The following PPP4R1 variants were observed in gnomAD, a reference collection of about 807,000 sequenced individuals.
PPP4R1 encodes serine/threonine-protein phosphatase 4 regulatory subunit 1.
In PPP4R1, 42 loss-of-function variants were observed where a neutral mutation model predicts 111.2. That is an observed-to-expected ratio of 0.38 (90% CI 0.29 to 0.49). PPP4R1 has a LOEUF of 0.49. Among genes scored for constraint, PPP4R1 ranks in the 20% least tolerant of loss-of-function variants. The probability of loss-of-function intolerance (pLI) is 0.97; values close to 1 mark genes in which losing one functional copy is unlikely to be tolerated. For synonymous variants in PPP4R1, 409 were observed against 405.5 expected, an observed-to-expected ratio of 1.01 and a Z score of -0.10; for missense variants, 1,012 against 1,161.6, an observed-to-expected ratio of 0.87 and a Z score of 1.87.
intron 2 of PPP4R1, among the ~76,000 whole-genome samples, chr18:9,603,854 T>C (rs1298435253): frequency 6.6e-6 from 1 of 151,996 alleles, no homozygotes; most frequent in Non-Finnish European, 1.5e-5. Context: ...CTCTCAAGCA[T>C]GAAAATATGA....
At chr18:9,609,080 T>G (rs2067533950) in intron 2 of PPP4R1, among the ~76,000 whole-genome samples, 1 of 152,174 alleles carries the variant, frequency 6.6e-6, no homozygotes, top group African/African-American at 2.4e-5. Context: ...TTCAATTTTA[T>G]GTGGGAAGTT....
chr18:9,571,589 C>A (rs1477935312), intron 10 of PPP4R1, among the ~76,000 whole-genome samples: 1 of 152,060 alleles, frequency 6.6e-6, no homozygotes, highest in Non-Finnish European at 1.5e-5. Context: ...TGCAAGCACA[C>A]TGAACACAGG....
intron 13 of PPP4R1, 82 bp downstream of exon 13, chr18:9,561,898 A>C (rs2066683608): frequency 2.7e-6 from 3 of 1,119,092 alleles, no homozygotes; most frequent in Middle Eastern, 2.0e-4. Context: ...ATCATAAAGA[A>C]GGGGCAAATT....
intron 2 of PPP4R1, among the ~76,000 whole-genome samples, chr18:9,610,228 C>T (rs2067553869): frequency 6.6e-6 from 1 of 152,140 alleles, no homozygotes; most frequent in Non-Finnish European, 1.5e-5. Flanking sequence ...AAACAGAAAT[C>T]TGAAATAATT....
intron 9 of PPP4R1, among the ~76,000 whole-genome samples, chr18:9,579,232 CAAAAT>C (rs1263029503): frequency 6.6e-6 from 1 of 151,992 alleles, no homozygotes; most frequent in East Asian, 1.9e-4. Context: ...AGCTATTCCT[CAAAAT>C]AAAGTGATTT....
chr18:9,612,135 T>C (rs912162524), intron 2 of PPP4R1, among the ~76,000 whole-genome samples: 5 of 152,348 alleles, frequency 3.3e-5, no homozygotes, highest in African/African-American at 1.2e-4. Flanking sequence ...TCTTTTCTCA[T>C]AACAGCAAAC....
chr18:9,557,175 C>A (rs577164491), intron 15 of PPP4R1, 46 bp downstream of exon 15: 1 of 1,489,642 alleles, frequency 6.7e-7, no homozygotes, highest in Non-Finnish European at 9.0e-7. Flanking sequence ...ATTTAGATTA[C>A]GGCAGAATTT....
intron 6 of PPP4R1, among the ~76,000 whole-genome samples, chr18:9,586,731 T>A (rs757264615): frequency 4.6e-5 from 7 of 152,174 alleles, no homozygotes; most frequent in Non-Finnish European, 1.0e-4. Flanking sequence ...ATTTTAGGCT[T>A]AAGGAGTGAA....
At chr18:9,608,014 T>C (rs2067513790) in intron 2 of PPP4R1, among the ~76,000 whole-genome samples, 1 of 148,628 alleles carries the variant, frequency 6.7e-6, no homozygotes, top group Admixed American at 6.7e-5. Context: ...GAACTCCTGA[T>C]CTCGGGTGAT....
chr18:9,603,712 T>G (rs1396532237), intron 2 of PPP4R1, among the ~76,000 whole-genome samples: 1 of 152,124 alleles, frequency 6.6e-6, no homozygotes, highest in Non-Finnish European at 1.5e-5. Context: ...CTCAAACTCC[T>G]AGGCTCAAGG....
Position 9,614,518 on chromosome 18 carries a change from G to A in PPP4R1, c.-34C>T, listed in dbSNP as rs1568136157. On this transcript the variant is annotated 5_prime_UTR_variant, in exon 1 of 20. Coordinates refer to ENST00000400556, the MANE Select transcript of PPP4R1 (RefSeq NM_001042388.3). This position sits in a 1 kb window ranked among gnomAD's most constrained non-coding sequence, Gnocchi z 4.1. ...CGCCCCCTCCTCCGCGGCCGCCCGG[G>A]GAGCCGGGGCTACATGGAGCGGCGC... is the stretch of plus-strand genomic sequence containing the variant. 2 of 1,015,744 alleles carry A rather than the reference G, an allele frequency of 2.0e-6. No individual in the cohort carries two copies. The highest frequency in any genetic ancestry group is 1.7e-5 in the African/African-American group (1 of 57,296). 62.9% of individuals were successfully genotyped at this position (1,015,744 alleles called of 1,614,324 possible).
chr18:9,602,046 T>C (rs1040112705), intron 2 of PPP4R1, among the ~76,000 whole-genome samples: 3 of 152,208 alleles, frequency 2.0e-5, no homozygotes, highest in Admixed American at 2.0e-4. Context: ...TTGTTACCTA[T>C]AGAACTGAAT....
At chr18:9,552,228 G>GAAAAAAAA (rs2066500563) in intron 16 of PPP4R1, among the ~76,000 whole-genome samples, 1 of 152,160 alleles carries the variant, frequency 6.6e-6, no homozygotes, top group African/African-American at 2.4e-5. Flanking sequence ...ATTTAAAAAT[G>GAAAAAAAA]TGCAACAGAC....
chr18:9,613,004 G>C (rs893096585), intron 2 of PPP4R1, among the ~76,000 whole-genome samples: 1 of 152,154 alleles, frequency 6.6e-6, no homozygotes, highest in Admixed American at 6.5e-5. Context: ...CTGAGTAAGG[G>C]AACCACATTA....
At chr18:9,589,724 C>G (rs909269857) in intron 4 of PPP4R1, 5 of 152,118 alleles carry the variant, frequency 3.3e-5, no homozygotes, top group African/African-American at 1.2e-4. Context: ...CATGGTGAAC[C>G]CTGTCTCTAC....
chr18:9,582,664 T>A (rs7231313), intron 9 of PPP4R1, among the ~76,000 whole-genome samples: 2 of 152,038 alleles, frequency 1.3e-5, no homozygotes, highest in African/African-American at 2.4e-5. Flanking sequence ...GAACATTTCC[T>A]AACTCATTTT....
intron 4 of PPP4R1, among the ~76,000 whole-genome samples, chr18:9,589,604 T>C (rs968368082): frequency 2.0e-5 from 3 of 151,944 alleles, no homozygotes; most frequent in Non-Finnish European, 2.9e-5. Context: ...CAACTAATTA[T>C]ACATTATAAA....
At chr18:9,577,750 T>TC (rs2066961082) in intron 9 of PPP4R1, among the ~76,000 whole-genome samples, 1 of 152,292 alleles carries the variant, frequency 6.6e-6, no homozygotes, top group African/African-American at 2.4e-5. Flanking sequence ...ACCATGATAA[T>TC]CTAAGTATGA....
At chr18:9,549,158 C>T in intron 19 of PPP4R1, 39 bp downstream of exon 19, 1 of 1,595,814 alleles carries the variant, frequency 6.3e-7, no homozygotes. Context: ...AGACCTCCTT[C>T]TCTACTCACA....
Sources: allele counts gnomAD v4.1 joint callset (sites outside exome capture counted in the v4.1 genomes callset), GRCh38; gene constraint gnomAD v4.1.1; non-coding constraint Gnocchi (gnomAD v3.1); transcripts MANE v1.5; gene names NCBI Gene and HGNC (gene_info 2026-07-23, HGNC 2026-07-21).